Variants in SH3GLB2 observed in about 807,000 individuals in gnomAD.
SH3GLB2 encodes SH3 domain containing GRB2 like, endophilin B2, also known as endophilin-B2.
Under a neutral mutation model 48.0 loss-of-function variants are expected in SH3GLB2, and 24 were observed. That is an observed-to-expected ratio of 0.50 (90% CI 0.36 to 0.70). The LOEUF (loss-of-function observed/expected upper bound fraction) is 0.70, where lower values mean the gene tolerates loss of function less well. SH3GLB2 is among the 30% of genes least tolerant of loss of function. The probability of loss-of-function intolerance (pLI) is 0.00; values close to 1 mark genes in which losing one functional copy is unlikely to be tolerated. For missense variants in SH3GLB2, 425 were observed against 516.0 expected, an observed-to-expected ratio of 0.82 and a Z score of 1.71; for synonymous variants, 227 against 207.6, an observed-to-expected ratio of 1.09 and a Z score of -0.80.
intron 7 of SH3GLB2, 107 bp downstream of exon 7, chr9:129,010,563 G>A (rs1843053733): frequency 7.7e-7 from 1 of 1,300,254 alleles, no homozygotes; most frequent in Non-Finnish European, 1.1e-6. Flanking sequence ...CCCCTCCCCA[G>A]TGGGTGTGGG....
At position 129,012,647 on chromosome 9, in the gene SH3GLB2, GC is replaced by G. The variant is rs1020011917; in HGVS notation, c.562-350del. 1.8e-5 allele frequency: 8 copies of G among 446,060 alleles called. No individual in the cohort carries two copies. In the Admixed American group the frequency reaches 2.3e-4, roughly 13 times the overall value. The allele number at this position is 446,060 out of a possible 1,614,324, so 27.6% of individuals were successfully genotyped here. A position where few individuals can be genotyped will look rare whatever the true frequency, so the allele number is the denominator to read the frequency against. Reference sequence around the variant, plus strand: ...CTCCCCAGACCAGTGGCACTCAGATGCCCCAGGGTCCCGCAAACACAGCCCA... The same window carrying G: ...CTCCCCAGACCAGTGGCACTCAGATGCCCAGGGTCCCGCAAACACAGCCCA... On this transcript the variant is annotated intron_variant, in intron 5 of 10. Transcript: ENST00000372564.
chr9:129,017,631 T>G (rs866162269), intron 3 of SH3GLB2, among the ~76,000 whole-genome samples: 14 of 151,952 alleles, frequency 9.2e-5, no homozygotes, highest in Middle Eastern at 3.4e-3. Flanking sequence ...CCGGGTGTGA[T>G]GGCTCACACC....
At chr9:129,010,854 T>A (rs1354614330) in intron 6 of SH3GLB2, 161 bp from the exon 7 acceptor site, 25 of 821,522 alleles carry the variant, frequency 3.0e-5, no homozygotes, top group Non-Finnish European at 4.8e-5. Flanking sequence ...AGGCCCGGCA[T>A]GGGAGCTGGG....
intron 3 of SH3GLB2, among the ~76,000 whole-genome samples, chr9:129,015,345 A>C (rs1843361224): frequency 6.6e-6 from 1 of 152,214 alleles, no homozygotes. Context: ...AAAATAAAAC[A>C]AATTGAAAGA....
At chr9:129,026,576 C>T (rs1844176107) in intron 1 of SH3GLB2, among the ~76,000 whole-genome samples, 1 of 149,980 alleles carries the variant, frequency 6.7e-6, no homozygotes, top group Non-Finnish European at 1.5e-5. Flanking sequence ...GGCCTGACTG[C>T]TGGCTCCCAC....
rs1267160965 is a variant in SH3GLB2 at position 129,028,292 on chromosome 9, G to A, written c.-138C>T. ...CACCCGCCTGCCGGCCTGCCCGCCT[G>A]CCCGCCCGCCGCAGCCGCCGAGCCA... On this transcript the variant is annotated 5_prime_UTR_variant, in exon 1 of 11. Transcript: ENST00000372564. 16 of 464,390 alleles carry A rather than the reference G, an allele frequency of 3.4e-5. No individual in the cohort carries two copies. The highest frequency in any genetic ancestry group is 4.5e-5 in the Non-Finnish European group (16 of 356,176). The allele number at this position is 464,390 out of a possible 1,614,324, so 28.8% of individuals were successfully genotyped here.
Position 129,010,169 on chromosome 9 carries a change from C to T in SH3GLB2, c.689G>A (p.Arg230Gln). 14 of 1,614,030 alleles carry T rather than the reference C, an allele frequency of 8.7e-6. No individual in the cohort carries two copies. Among genetic ancestry groups the T allele is most frequent in the Middle Eastern group, 1.7e-4 (1 of 6,054 alleles). Residue 230 changes from arginine to glutamine, a missense_variant, in exon 8 of 11, where the codon CGG (arginine) becomes CAG (glutamine). By Grantham distance (43) the Arg-to-Gln change is conservative. Coordinates refer to ENST00000372564, the MANE Select transcript of SH3GLB2 (RefSeq NM_020145.4). ...ELRVAQTEFD[R>Q]QAEVTRLLLE... is the part of the protein sequence containing the mutation. ...CAAGAGACGGGTCACTTCTGCTTGC[C>T]GGTCAAACTCTGTCTGGGCCACGCG...
chr9:129,022,229 G>T (rs1428762034), intron 2 of SH3GLB2, 53 bp downstream of exon 2: 2 of 1,599,756 alleles, frequency 1.3e-6, no homozygotes, highest in Non-Finnish European at 1.7e-6. Flanking sequence ...GCCTCCTACT[G>T]TATCCCTGCC....
Position 129,021,125 on chromosome 9 carries a change from G to A in SH3GLB2, c.300C>T (p.Asp100=), listed in dbSNP as rs772018738. 2.0e-5 allele frequency: 33 copies of A among 1,610,926 alleles called. No homozygotes were observed. The highest frequency in any genetic ancestry group is 2.0e-4 in the East Asian group (9 of 44,740). The change falls in exon 3 of 11, where the codon GAC becomes GAT. Residue 100 remains aspartate, a synonymous_variant. Transcript: ENST00000372564. ...TGGTCGGCCCCAGCTCACTGGCCGC[G>A]TCTGCCATGTACTGAGCCAGCAGCT... The part of the protein sequence containing the change: ...NGELLAQYMA[D]AASELGPTTP...
Position 129,014,616 on chromosome 9 carries a change from C to T in SH3GLB2, c.469-113G>A. On this transcript the variant is annotated intron_variant, in intron 4 of 10. Coordinates refer to ENST00000372564, the MANE Select transcript of SH3GLB2 (RefSeq NM_020145.4). This position sits in a 1 kb window ranked among gnomAD's most constrained non-coding sequence, Gnocchi z 4.1. ...TCAAGTCAAGATAGGGAAACTGAGG[C>T]CCAGAGATAGGAGGTCACTCAGTCC... 1.3e-6 allele frequency: 2 copies of T among 1,487,892 alleles called. No homozygotes were observed. Among genetic ancestry groups the T allele is most frequent in the East Asian group, 2.3e-5 (1 of 43,052 alleles). The allele number at this position is 1,487,892 out of a possible 1,614,324, so 92.2% of individuals were successfully genotyped here.
chr9:129,008,608 C>T lies in SH3GLB2; in HGVS notation c.*76G>A. On this transcript the variant is annotated 3_prime_UTR_variant, in exon 11 of 11. Transcript: ENST00000372564. ...CCACTCTGAACAACTGTGTCACCAA[C>T]AAACAAGTTAAGTGGCAGGGCTGCG... 6 of 1,143,500 alleles carry T rather than the reference C, an allele frequency of 5.2e-6. No individual in the cohort carries two copies. The highest frequency in any genetic ancestry group is 7.8e-6 in the Non-Finnish European group (6 of 766,708). 70.8% of individuals were successfully genotyped at this position (1,143,500 alleles called of 1,614,324 possible). A position where few individuals can be genotyped will look rare whatever the true frequency, so the allele number is the denominator to read the frequency against.
Position 129,009,793 on chromosome 9 carries a change from C to A in SH3GLB2, c.817G>T (p.Asp273Tyr), listed in dbSNP as rs767626156. The change falls in exon 9 of 11, where the codon GAC becomes TAC. Residue 273 changes from aspartate (D) to tyrosine (Y), a missense_variant. Physicochemically the swap from Asp to Tyr is radical, Grantham distance 160 (BLOSUM62 -3). Transcript: ENST00000372564. ...YYAQCYRHML[D>Y]LQKQLGRFPG... is the part of the protein sequence containing the mutation. ...CACCTGCCCAGCTGCTTCTGCAAGT[C>A]CAGCATGTGGCGGTAGCACTGTGCG... The A allele has an allele frequency of 6.8e-6, 11 of 1,613,592 alleles. No homozygotes were observed. The highest frequency in any genetic ancestry group is 1.3e-5 in the African/African-American group (1 of 74,928).
Position 129,026,632 on chromosome 9 carries a change from A to C in SH3GLB2, c.63+1460T>G, listed in dbSNP as rs372591221. Among the ~76,000 whole-genome samples the C allele has an allele frequency of 1.6e-4, 23 of 146,974 alleles. No homozygotes were observed. The East Asian group carries it at 4.0e-3, about 25-fold the overall frequency. On this transcript the variant is annotated intron_variant, in intron 1 of 10. Coordinates refer to ENST00000372564, the MANE Select transcript of SH3GLB2 (RefSeq NM_020145.4). ...GGGGCAGCTCCCACCAAGCGGAGCC[A>C]CACCTAGGCCCTGCCCTGCCTAGGT...
intron 3 of SH3GLB2, among the ~76,000 whole-genome samples, chr9:129,018,026 A>T (rs1843543511): frequency 6.6e-6 from 1 of 152,074 alleles, no homozygotes; most frequent in South Asian, 2.1e-4. Flanking sequence ...TGGGAAGTGG[A>T]GCTTGCAGTG....
Position 129,009,252 on chromosome 9 carries a change from G to C in SH3GLB2, c.934C>G (p.Pro312Ala). Residue 312 changes from proline (P) to alanine (A), a missense_variant, in exon 10 of 11, where the codon CCC (proline) becomes GCC (alanine). Physicochemically the swap from Pro to Ala is conservative, Grantham distance 27. Transcript: ENST00000372564. ...GGAGGGGCCAGGCTGGCCACAGAGG[G>C]CACCACAGGCATAGTGGCCGCAGCA... ...TTAAATMPVVPSVASLAPPGE... is the reference protein window; with the variant it reads ...TTAAATMPVVASVASLAPPGE... 6.3e-7 allele frequency: 1 copy of C among 1,588,344 alleles called. No homozygotes were observed. The highest frequency in any genetic ancestry group is 8.6e-7 in the Non-Finnish European group (1 of 1,167,156).
chr9:129,025,162 C>G (rs1446110839), intron 1 of SH3GLB2, among the ~76,000 whole-genome samples: 6 of 144,412 alleles, frequency 4.2e-5, no homozygotes, highest in Non-Finnish European at 4.6e-5. Flanking sequence ...TGTAATCCCA[C>G]CTACTCGGGA....
intron 10 of SH3GLB2, 87 bp downstream of exon 10, chr9:129,009,019 C>T: frequency 6.4e-7 from 1 of 1,573,116 alleles, no homozygotes; most frequent in Non-Finnish European, 8.6e-7. Context: ...CCAACAGGGC[C>T]CCTCCAGGCC....
intron 6 of SH3GLB2, 103 bp from the exon 7 acceptor site, chr9:129,010,796 C>A: frequency 7.1e-7 from 1 of 1,416,522 alleles, no homozygotes; most frequent in Non-Finnish European, 9.8e-7. Context: ...AACTTCTGCC[C>A]CCCTGCCCCT....
In SH3GLB2 at chr9:129,009,281, G is replaced by A. The variant is rs778620536; in HGVS notation, c.905C>T (p.Thr302Ile). 28 of 1,561,392 alleles carry A rather than the reference G, an allele frequency of 1.8e-5. No individual in the cohort carries two copies. Among genetic ancestry groups the A allele is most frequent in the Non-Finnish European group, 1.9e-5 (22 of 1,152,296 alleles). ...CACAGGCATAGTGGCCGCAGCAGTG[G>A]TGGGTGAGGTGCTGCTCAGGGGTGG... ...ASPPLSSTSP[T>I]TAAATMPVVP... Residue 302 changes from threonine (T) to isoleucine (I), a missense_variant, in exon 10 of 11, where the codon ACC becomes ATC. Transcript: ENST00000372564.
Sources: allele counts gnomAD v4.1 joint callset (sites outside exome capture counted in the v4.1 genomes callset), GRCh38; gene constraint gnomAD v4.1.1; non-coding constraint Gnocchi (gnomAD v3.1); transcripts MANE v1.5; gene names NCBI Gene and HGNC (gene_info 2026-07-23, HGNC 2026-07-21).